Variants in MRLN observed in about 807,000 individuals in gnomAD.
MRLN encodes the protein Linc-RNA activator of myogenesis.
intron 1 of MRLN, among the ~76,000 whole-genome samples, chr10:59,741,586 G>A (rs980729526): frequency 3.9e-5 from 6 of 151,966 alleles, no homozygotes; most frequent in South Asian, 4.1e-4. Flanking sequence ...ATTTTGCCAC[G>A]TTGCCCAGGC....
intron 1 of MRLN, among the ~76,000 whole-genome samples, chr10:59,752,418 A>T (rs2070167849): frequency 6.6e-6 from 1 of 152,234 alleles, no homozygotes; most frequent in Non-Finnish European, 1.5e-5. Flanking sequence ...AGAGACTATG[A>T]TTCTCATTTT....
intron 1 of MRLN, among the ~76,000 whole-genome samples, chr10:59,739,973 T>A (rs1296751331): frequency 6.6e-6 from 1 of 152,018 alleles, no homozygotes; most frequent in African/African-American, 2.4e-5. Context: ...GCGCCTGTAA[T>A]CCCAGCTACT....
chr10:59,745,493 C>A (rs1470188334), intron 1 of MRLN, among the ~76,000 whole-genome samples: 2 of 117,356 alleles, frequency 1.7e-5, no homozygotes, highest in Non-Finnish European at 3.5e-5. Context: ...TTCCCCCCCC[C>A]ACCCCCCACC....
intron 1 of MRLN, among the ~76,000 whole-genome samples, chr10:59,749,339 G>T (rs1455940005): frequency 3.9e-5 from 6 of 152,220 alleles, no homozygotes; most frequent in Non-Finnish European, 8.8e-5. Context: ...TTTTTATGGA[G>T]ATTTGTTTGG....
rs765884778 is a variant in MRLN, at chr10:59,748,799, C to T, written c.-125+4555G>A. On this transcript the variant is annotated intron_variant, in intron 1 of 2. Coordinates refer to ENST00000414264, the MANE Select transcript of MRLN (RefSeq NM_001304731.2). Reference sequence around the variant, plus strand: ...GATTCTGCATTTCACCAGTCAGCTACGTGAGGAGAGTCTACCTTCATCACC... The same window carrying T: ...GATTCTGCATTTCACCAGTCAGCTATGTGAGGAGAGTCTACCTTCATCACC... Among the ~76,000 whole-genome samples the T allele has an allele frequency of 3.7e-4, 57 of 152,190 alleles. 2 individuals carry two copies. Among genetic ancestry groups the T allele is most frequent in the African/African-American group, 4.8e-5 (2 of 41,450 alleles).
rs1444536220 is a variant in MRLN, at chr10:59,736,983, T to G, written c.*77A>C. 11 of 384,244 alleles carry G rather than the reference T, an allele frequency of 2.9e-5. No homozygotes were observed. Among genetic ancestry groups the G allele is most frequent in the Non-Finnish European group, 5.1e-5 (11 of 216,488 alleles). The allele number at this position is 384,244 out of a possible 1,614,324, so 23.8% of individuals were successfully genotyped here. A position where few individuals can be genotyped will look rare whatever the true frequency, so the allele number is the denominator to read the frequency against. On this transcript the variant is annotated 3_prime_UTR_variant, in exon 3 of 3. Transcript: ENST00000414264. ...AATTGGCAATGTCATAAAATGTGAG[T>G]CACTCAACAAGTTAAAATACAAATT...
intron 1 of MRLN, among the ~76,000 whole-genome samples, chr10:59,750,136 A>C (rs897716589): frequency 7.3e-6 from 1 of 137,248 alleles, no homozygotes; most frequent in African/African-American, 2.8e-5. Flanking sequence ...GCAATGGCAC[A>C]ATCTTGGCTC....
intron 1 of MRLN, among the ~76,000 whole-genome samples, chr10:59,745,430 G>T (rs1841033505): frequency 6.6e-6 from 1 of 151,110 alleles, no homozygotes; most frequent in South Asian, 2.1e-4. Flanking sequence ...GACAGCTGAG[G>T]TTATTTTGGG....
chr10:59,742,381 C>T (rs1489350215), intron 1 of MRLN, among the ~76,000 whole-genome samples: 1 of 152,056 alleles, frequency 6.6e-6, no homozygotes, highest in East Asian at 1.9e-4. Flanking sequence ...AGCGTAAGTA[C>T]ATTTATATAA....
rs1294865869 is a variant in MRLN, at chr10:59,746,327, TAAC to T, written c.-125+7024_-125+7026del. 4.6e-5 allele frequency among the ~76,000 whole-genome samples: 7 copies of T among 152,160 alleles called. No individual in the cohort carries two copies. In the East Asian group the frequency reaches 1.2e-3, roughly 25 times the overall value. Reference sequence around the variant, plus strand: ...GCTACTTAAGTAAATAATATTATAATAACCACCATTTATTGAGGGTCTATTATG... The same window carrying T: ...GCTACTTAAGTAAATAATATTATAATCACCATTTATTGAGGGTCTATTATG... On this transcript the variant is annotated intron_variant, in intron 1 of 2. Transcript: ENST00000414264.
At chr10:59,748,252 G>A (rs1030516700) in intron 1 of MRLN, among the ~76,000 whole-genome samples, 3 of 152,088 alleles carry the variant, frequency 2.0e-5, no homozygotes, top group East Asian at 3.9e-4. Flanking sequence ...ACTCAAATTC[G>A]AGTAATTTGG....
chr10:59,750,094 C>T (rs557204614), intron 1 of MRLN, among the ~76,000 whole-genome samples: 300 of 92,754 alleles, frequency 3.2e-3, no homozygotes, highest in Non-Finnish European at 4.9e-3. Flanking sequence ...TTTTTTGAGA[C>T]GGAGTTTCGC....
Position 59,744,969 on chromosome 10 carries a change from G to A in MRLN, c.-124-6407C>T, listed in dbSNP as rs568447956. 640 of 180,670 alleles carry A rather than the reference G, an allele frequency of 3.5e-3. 5 individuals are homozygous for A. The highest frequency in any genetic ancestry group is 0.013 in the African/African-American group (558 of 41,960). 11.2% of individuals were successfully genotyped at this position (180,670 alleles called of 1,614,324 possible). A position where few individuals can be genotyped will look rare whatever the true frequency, so the allele number is the denominator to read the frequency against. On this transcript the variant is annotated intron_variant, in intron 1 of 2. Transcript: ENST00000414264. ...CTCAAATACCCAGGGACACAAACACGGCCGAAGGCAGCAGGGCCCTCTGCC... is the reference window on the plus strand; with the variant it reads ...CTCAAATACCCAGGGACACAAACACAGCCGAAGGCAGCAGGGCCCTCTGCC...
At chr10:59,745,681 A>G (rs1357728406) in intron 1 of MRLN, among the ~76,000 whole-genome samples, 6 of 149,730 alleles carry the variant, frequency 4.0e-5, no homozygotes, top group Non-Finnish European at 8.8e-5. Context: ...TCTAATTTAA[A>G]TTGACCTGTT....
At chr10:59,745,112 T>TAA (rs910161165) in intron 1 of MRLN, among the ~76,000 whole-genome samples, 23 of 146,262 alleles carry the variant, frequency 1.6e-4, no homozygotes, top group African/African-American at 5.1e-4. Context: ...CAATAAATAC[T>TAA]AAAAAAAAAA....
intron 1 of MRLN, among the ~76,000 whole-genome samples, chr10:59,747,610 T>C (rs1199194359): frequency 6.6e-6 from 1 of 152,250 alleles, no homozygotes; most frequent in Non-Finnish European, 1.5e-5. Context: ...TGAGATTCAA[T>C]CTCACCTCCT....
intron 1 of MRLN, among the ~76,000 whole-genome samples, chr10:59,742,315 A>G (rs1840992189): frequency 6.6e-6 from 1 of 152,258 alleles, no homozygotes; most frequent in Admixed American, 6.5e-5. Context: ...ATACAAAAAC[A>G]GGTGAATCTA....
intron 1 of MRLN, among the ~76,000 whole-genome samples, chr10:59,750,041 C>T (rs374555514): frequency 6.7e-6 from 1 of 149,262 alleles, no homozygotes; most frequent in East Asian, 2.0e-4. Flanking sequence ...ATGGAACCTC[C>T]CTTGCTCTCT....
intron 1 of MRLN, among the ~76,000 whole-genome samples, chr10:59,746,424 C>A (rs535800807): frequency 6.6e-6 from 1 of 152,190 alleles, no homozygotes; most frequent in African/African-American, 2.4e-5. Context: ...AGTTTAGAAA[C>A]TAATCCAGTA....
Sources: gnomAD v4.1 joint callset for allele counts (sites outside exome capture counted in the v4.1 genomes callset) on GRCh38, gnomAD v4.1.1 for gene constraint, MANE v1.5 for transcripts, NCBI Gene and HGNC (gene_info 2026-07-23, HGNC 2026-07-21) for gene names.